The following CNTNAP2 variants were observed in gnomAD, a reference collection of about 807,000 sequenced individuals.
CNTNAP2 encodes the protein contactin-associated protein-like 2.
CNTNAP2 carries 98 observed loss-of-function variants against 155.2 expected under a neutral mutation model. The ratio of observed to expected loss-of-function variants is 0.63; its 90% CI spans 0.54 to 0.75. The LOEUF (loss-of-function observed/expected upper bound fraction) is 0.75. Among genes scored for constraint, CNTNAP2 ranks in the 30% least tolerant of loss-of-function variants. The pLI is 0.00. For synonymous variants in CNTNAP2, 651 were observed against 631.2 expected, an observed-to-expected ratio of 1.03 and a Z score of -0.47; for missense variants, 1,727 against 1,688.1, an observed-to-expected ratio of 1.02 and a Z score of -0.40.
chr7:146,192,246 T>C (rs1307858209), intron 1 of CNTNAP2, among the ~76,000 whole-genome samples: 1 of 152,166 alleles, frequency 6.6e-6, no homozygotes, highest in Admixed American at 6.5e-5. Context: ...CTCTTGACTT[T>C]AGTGTTCAAA....
intron 21 of CNTNAP2, among the ~76,000 whole-genome samples, chr7:148,292,839 T>A (rs4726942): frequency 0.4 from 60,773 of 151,970 alleles, 12,748 homozygotes; most frequent in East Asian, 0.65. Flanking sequence ...TCTCAGCAAC[T>A]TCCTCTGCCC....
intron 13 of CNTNAP2, among the ~76,000 whole-genome samples, chr7:147,702,067 T>G (rs998568065): frequency 2.0e-5 from 3 of 151,170 alleles, no homozygotes; most frequent in South Asian, 2.1e-4. Flanking sequence ...TTTTTTTTTT[T>G]TTTTTTTTTT....
chr7:148,284,588 A>G (rs1797048669), intron 21 of CNTNAP2, among the ~76,000 whole-genome samples: 1 of 150,862 alleles, frequency 6.6e-6, no homozygotes, highest in African/African-American at 2.4e-5. Context: ...AAGGCTACCC[A>G]GGTAGAGCCT....
chr7:147,952,975 G>T (rs1231239155), intron 14 of CNTNAP2, among the ~76,000 whole-genome samples: 1 of 152,118 alleles, frequency 6.6e-6, no homozygotes, highest in Non-Finnish European at 1.5e-5. Flanking sequence ...ATATTCCCAA[G>T]GTCACGTAGT....
intron 1 of CNTNAP2, among the ~76,000 whole-genome samples, chr7:146,720,040 G>A (rs1450740212): frequency 6.6e-6 from 1 of 151,840 alleles, no homozygotes; most frequent in Non-Finnish European, 1.5e-5. Flanking sequence ...TGGTTTGTTT[G>A]TTTTTTCTCA....
chr7:146,548,546 T>C (rs1254070559), intron 1 of CNTNAP2, among the ~76,000 whole-genome samples: 1 of 151,972 alleles, frequency 6.6e-6, no homozygotes, highest in East Asian at 1.9e-4. Context: ...AGAAATGAGG[T>C]GGTGTCTCAT....
intron 17 of CNTNAP2, among the ~76,000 whole-genome samples, chr7:148,158,543 T>G (rs1168668725): frequency 1.3e-5 from 2 of 152,180 alleles, no homozygotes; most frequent in East Asian, 3.9e-4. Flanking sequence ...TTTTAAAATG[T>G]GCTCCCAAAT....
At chr7:147,507,613 G>A (rs569837177) in intron 11 of CNTNAP2, among the ~76,000 whole-genome samples, 26 of 135,872 alleles carry the variant, frequency 1.9e-4, no homozygotes, top group African/African-American at 6.1e-4. Flanking sequence ...AGTGCAGTAG[G>A]GCAATCTCGG....
intron 1 of CNTNAP2, among the ~76,000 whole-genome samples, chr7:146,755,466 C>T (rs1465644059): frequency 6.6e-6 from 1 of 151,956 alleles, no homozygotes; most frequent in African/African-American, 2.4e-5. Flanking sequence ...GGGAACATTG[C>T]TCTGCCATGA....
chr7:147,920,910 A>C (rs1038358865), intron 14 of CNTNAP2, among the ~76,000 whole-genome samples: 3 of 150,060 alleles, frequency 2.0e-5, no homozygotes, highest in Admixed American at 6.7e-5. Flanking sequence ...CCCGGGTTCA[A>C]GCAATTCTCC....
At chr7:147,516,304 T>C (rs957579512) in intron 11 of CNTNAP2, among the ~76,000 whole-genome samples, 7 of 152,224 alleles carry the variant, frequency 4.6e-5, no homozygotes, top group Non-Finnish European at 1.0e-4. Flanking sequence ...TGATTCACTA[T>C]GTACAGTTTA....
chr7:147,265,455 C>T (rs188985293), intron 8 of CNTNAP2, among the ~76,000 whole-genome samples: 309 of 152,278 alleles, frequency 2.0e-3, no homozygotes, highest in Non-Finnish European at 3.6e-3. Flanking sequence ...TGGGCCCTCC[C>T]TGCAGGAACT....
chr7:146,149,231 T>A (rs1294965546), intron 1 of CNTNAP2, among the ~76,000 whole-genome samples: 1 of 152,082 alleles, frequency 6.6e-6, no homozygotes, highest in Admixed American at 6.6e-5. Context: ...TTAATAAATA[T>A]CTCAAAACAG....
intron 14 of CNTNAP2, among the ~76,000 whole-genome samples, chr7:147,969,873 G>A (rs1456736073): frequency 6.6e-6 from 1 of 151,676 alleles, no homozygotes; most frequent in East Asian, 1.9e-4. Context: ...ATTTTTTTAA[G>A]TTGTTTTAAA....
chr7:147,719,667 A>G (rs932730679), intron 13 of CNTNAP2, among the ~76,000 whole-genome samples: 1 of 152,112 alleles, frequency 6.6e-6, no homozygotes, highest in Non-Finnish European at 1.5e-5. Context: ...TTTCAACACA[A>G]CTAGGGAACT....
At chr7:147,341,070 T>TTGTGTG (rs61319652) in intron 9 of CNTNAP2, among the ~76,000 whole-genome samples, 95 of 148,884 alleles carry the variant, frequency 6.4e-4, no homozygotes, top group East Asian at 6.1e-3. Context: ...CATTGTGTGT[T>TTGTGTG]TGTGTGTGTG....
chr7:146,663,277 C>CAAAAAAAAA (rs543257224), intron 1 of CNTNAP2, among the ~76,000 whole-genome samples: 8 of 33,184 alleles, frequency 2.4e-4, no homozygotes, highest in African/African-American at 5.3e-4. Flanking sequence ...AACTCCATCT[C>CAAAAAAAAA]AAAAAAAAAA....
intron 1 of CNTNAP2, among the ~76,000 whole-genome samples, chr7:146,760,396 A>G (rs1239702987): frequency 9.2e-6 from 1 of 108,866 alleles, no homozygotes; most frequent in Non-Finnish European, 1.8e-5. Context: ...CCTCTGTATC[A>G]TCTCCAATTT....
At chr7:147,684,638 T>C (rs747132874) in intron 13 of CNTNAP2, among the ~76,000 whole-genome samples, 3 of 151,880 alleles carry the variant, frequency 2.0e-5, no homozygotes, top group African/African-American at 4.8e-5. Context: ...CTGAATTACT[T>C]AATTGTTACA....
Sources: gnomAD v4.1 joint callset for allele counts (sites outside exome capture counted in the v4.1 genomes callset) on GRCh38, gnomAD v4.1.1 for gene constraint, MANE v1.5 for transcripts, NCBI Gene and HGNC (gene_info 2026-07-23, HGNC 2026-07-21) for gene names.